Variants in SPDYC observed in about 807,000 individuals in gnomAD.
The protein encoded by SPDYC is speedy/RINGO cell cycle regulator family member C.
A neutral mutation model predicts 33.9 loss-of-function variants in SPDYC; 25 were observed. The observed-to-expected ratio is 0.74, with a 90% CI of 0.54 to 1.03. The LOEUF (loss-of-function observed/expected upper bound fraction) is 1.03, where lower values mean the gene tolerates loss of function less well. SPDYC is among the 50% of genes least tolerant of loss of function. The pLI is 0.00. For missense variants in SPDYC, 349 were observed against 382.9 expected (o/e 0.91, Z 0.74); for synonymous variants, 133 against 140.2 (o/e 0.95, Z 0.36).
At chr11:65,172,763 C>T (rs1444502796) in exon 6 of SPDYC, 3 of 1,613,982 alleles carry the variant, frequency 1.9e-6, no homozygotes, top group Non-Finnish European at 2.5e-6. Context: ...AGGGTCTGTC[C>T]ACAGGTCCCT....
At chr11:65,171,688 A>C (rs1349985039) in intron 2 of SPDYC, among the ~76,000 whole-genome samples, 189 bp downstream of exon 2, 1 of 152,292 alleles carries the variant, frequency 6.6e-6, no homozygotes, top group South Asian at 2.1e-4. Flanking sequence ...ACCGTGAGTC[A>C]TACCTATAAT....
chr11:65,172,972 C>T (rs760369448), exon 6 of SPDYC: 2 of 1,613,842 alleles, frequency 1.2e-6, no homozygotes, highest in Admixed American at 3.3e-5. Flanking sequence ...CATCGTCTTG[C>T]CTCCCCAGAT....
At chr11:65,172,942 G>T (rs769694794) in exon 6 of SPDYC, 5 of 1,613,924 alleles carry the variant, frequency 3.1e-6, no homozygotes, top group African/African-American at 2.7e-5. Context: ...GGTCAAAAAC[G>T]CCTGGGGTGG....
At position 65,173,030 on chromosome 11, in the gene SPDYC, G is replaced by A. The variant is rs1388951909; in HGVS notation, c.847+16G>A. On this transcript the variant is annotated intron_variant, in intron 6 of 6. Transcript: ENST00000377185. Reference sequence around the variant, plus strand: ...TCCCTCCGCAGTGAGTGCAGGATGGGACAGGAGCTGGGGGCTGGTGTGGGA... The same window carrying A: ...TCCCTCCGCAGTGAGTGCAGGATGGAACAGGAGCTGGGGGCTGGTGTGGGA... The A allele has an allele frequency of 1.2e-6, 2 of 1,609,832 alleles. No individual in the cohort carries two copies. The highest frequency in any genetic ancestry group is 2.2e-5 in the South Asian group (2 of 90,532).
Position 65,172,556 on chromosome 11 carries a change from G to A in SPDYC, c.467G>A (p.Trp156Ter). ...TTCCTGCACCAGAGGGATAAGCTTT[G>A]GGCACGGATGGGTTTCCGGGCTGTT... The change falls in exon 5 of 7, where the codon TGG (tryptophan) becomes TAG (stop). Residue 156 changes from tryptophan to a stop codon, truncating the protein, a stop_gained. Transcript: ENST00000377185. LOFTEE classifies it high-confidence loss of function. 1 of 1,562,300 alleles carries A rather than the reference G, an allele frequency of 6.4e-7. No individual in the cohort carries two copies. Among genetic ancestry groups the A allele is most frequent in the Non-Finnish European group, 8.7e-7 (1 of 1,153,562 alleles).
At position 65,170,449 on chromosome 11, in the gene SPDYC, A is replaced by C. The variant is rs891382385; in HGVS notation, c.26+188A>C. 3.3e-5 allele frequency among the ~76,000 whole-genome samples: 5 copies of C among 151,994 alleles called. 1 individual carries two copies. Among genetic ancestry groups the C allele is most frequent in the Non-Finnish European group, 5.9e-5 (4 of 67,990 alleles). ...AAGTGGCCCCATCAACTTGCTCTAA[A>C]TCCAGGTATTTTTCTAATTTCATTC... On this transcript the variant is annotated intron_variant, in intron 1 of 6. Coordinates refer to ENST00000377185, the Ensembl canonical transcript of SPDYC.
intron 3 of SPDYC, 96 bp from the exon 4 acceptor site, chr11:65,172,150 C>A: frequency 1.3e-6 from 2 of 1,536,594 alleles, no homozygotes; most frequent in Middle Eastern, 1.7e-4. Flanking sequence ...GACTTTCTTT[C>A]CCTGCAGCAA....
chr11:65,170,311 G>A, intron 1 of SPDYC, 50 bp downstream of exon 1: 1 of 1,541,158 alleles, frequency 6.5e-7, no homozygotes, highest in Non-Finnish European at 8.8e-7. Flanking sequence ...CGCCTAGATG[G>A]AGGGGCCCAG....
intron 1 of SPDYC, 102 bp downstream of exon 1, chr11:65,170,363 G>T (rs1317721906): frequency 1.6e-6 from 2 of 1,227,492 alleles, no homozygotes; most frequent in African/African-American, 1.6e-5. Flanking sequence ...CCTCGGCCCC[G>T]TGGTTGGCTT....
intron 1 of SPDYC, among the ~76,000 whole-genome samples, chr11:65,170,694 G>A (rs959237268): frequency 4.6e-5 from 7 of 151,802 alleles, no homozygotes; most frequent in African/African-American, 1.7e-4. Context: ...CCAACACGGT[G>A]AAACCCTGTC....
chr11:65,170,320 A>G, intron 1 of SPDYC, 59 bp downstream of exon 1: 1 of 1,528,136 alleles, frequency 6.5e-7, no homozygotes, highest in Non-Finnish European at 8.8e-7. Flanking sequence ...GGAGGGGCCC[A>G]GATTGGCCCT....
At position 65,172,154 on chromosome 11, in the gene SPDYC, G is replaced by T. The variant is rs1948442814; in HGVS notation, c.259-92G>T. The T allele has an allele frequency of 1.9e-6, 3 of 1,547,770 alleles. No individual in the cohort carries two copies. In the African/African-American group the frequency reaches 4.1e-5, roughly 21 times the overall value. ...ACCATTTTACTGACTTTCTTTCCCT[G>T]CAGCAAAACCTCCCTGGGTGCAAAT... On this transcript the variant is annotated intron_variant, in intron 3 of 6. Coordinates refer to ENST00000377185, the Ensembl canonical transcript of SPDYC.
chr11:65,173,021 G>A lies in SPDYC; in HGVS notation c.847+7G>A. Reference sequence around the variant, plus strand: ...GGCACCTACTCCCTCCGCAGTGAGTGCAGGATGGGACAGGAGCTGGGGGCT... The same window carrying A: ...GGCACCTACTCCCTCCGCAGTGAGTACAGGATGGGACAGGAGCTGGGGGCT... On this transcript the variant is annotated splice_region_variant and intron_variant, in intron 6 of 6. Coordinates refer to ENST00000377185, the Ensembl canonical transcript of SPDYC. 2 of 1,612,148 alleles carry A rather than the reference G, an allele frequency of 1.2e-6. No individual in the cohort carries two copies. Among genetic ancestry groups the A allele is most frequent in the African/African-American group, 1.3e-5 (1 of 75,000 alleles).
At chr11:65,171,186 T>C in intron 1 of SPDYC, 141 bp from the exon 2 acceptor site, 2 of 883,864 alleles carry the variant, frequency 2.3e-6, no homozygotes, top group Non-Finnish European at 3.3e-6. Context: ...TCCCCACTCT[T>C]GTTGCATCCC....
chr11:65,171,287 C>G (rs747643967), intron 1 of SPDYC, 40 bp from the exon 2 acceptor site: 1 of 1,574,324 alleles, frequency 6.4e-7, no homozygotes, highest in South Asian at 1.2e-5. Flanking sequence ...GTGAGCATCA[C>G]GGGGGTACAT....
chr11:65,172,067 G>T lies in SPDYC; in HGVS notation c.258+66G>T, dbSNP rs986803306. On this transcript the variant is annotated intron_variant, in intron 3 of 6. Transcript: ENST00000377185. Reference sequence around the variant, plus strand: ...GAGTTGGTGGGAATTGAGTGCCCTGGTCTGGTAGGGAGAGCCACTCACCTT... The same window carrying T: ...GAGTTGGTGGGAATTGAGTGCCCTGTTCTGGTAGGGAGAGCCACTCACCTT... 2.6e-6 allele frequency: 4 copies of T among 1,564,982 alleles called. No individual in the cohort carries two copies. In the East Asian group the frequency reaches 9.0e-5, roughly 35 times the overall value.
chr11:65,171,252 G>C (rs1454529559), intron 1 of SPDYC, 75 bp from the exon 2 acceptor site: 1 of 1,513,958 alleles, frequency 6.6e-7, no homozygotes, highest in South Asian at 1.3e-5. Context: ...CACCGTCCTG[G>C]CCCCTGTCAC....
chr11:65,170,303 C>G, intron 1 of SPDYC, 42 bp downstream of exon 1: 2 of 1,552,330 alleles, frequency 1.3e-6, no homozygotes, highest in South Asian at 2.4e-5. Context: ...CTTGCGGGCG[C>G]CTAGATGGAG....
chr11:65,173,270 A>G, downstream of SPDYC: 4 of 1,596,190 alleles, frequency 2.5e-6, no homozygotes, highest in Non-Finnish European at 3.4e-6. Context: ...CTGACACACC[A>G]TTGGCTGTGC....
Sources: allele counts gnomAD v4.1 joint callset (sites outside exome capture counted in the v4.1 genomes callset), GRCh38; gene constraint gnomAD v4.1.1; transcripts MANE v1.5; gene names NCBI Gene and HGNC (gene_info 2026-07-23, HGNC 2026-07-21).